Variants in MAPKAP1 observed in about 807,000 individuals in gnomAD.
The protein encoded by MAPKAP1 is target of rapamycin complex 2 subunit MAPKAP1.
In MAPKAP1, 20 loss-of-function variants were observed where a neutral mutation model predicts 65.7. The observed-to-expected ratio is 0.30, with a 90% CI of 0.21 to 0.44. MAPKAP1 has a LOEUF of 0.44. Among genes scored for constraint, MAPKAP1 ranks in the 20% least tolerant of loss-of-function variants. The probability of loss-of-function intolerance (pLI) is 1.00; values close to 1 mark genes in which losing one functional copy is unlikely to be tolerated. For synonymous variants in MAPKAP1, 222 were observed against 244.3 expected (o/e 0.91, Z 0.85); for missense variants, 423 against 648.0 (o/e 0.65, Z 3.77).
At chr9:125,569,200 G>A (rs371845708) in intron 5 of MAPKAP1, among the ~76,000 whole-genome samples, 28 of 152,272 alleles carry the variant, frequency 1.8e-4, no homozygotes, top group Admixed American at 1.5e-3. Context: ...TTTTAACCAC[G>A]TTTAATGCCT....
At position 125,487,638 on chromosome 9, in the gene MAPKAP1, C is replaced by T. The variant is rs967311224; in HGVS notation, c.1067-3055G>A. 3.2e-4 allele frequency among the ~76,000 whole-genome samples: 47 copies of T among 145,926 alleles called. 1 individual carries two copies. The highest frequency in any genetic ancestry group is 1.2e-3 in the African/African-American group (46 of 39,502). On this transcript the variant is annotated intron_variant, in intron 8 of 11. Transcript: ENST00000265960. ...ACTAAAAAAAAAAAAAAAAAACCCA[C>T]ACTTAAGATTTTTACATTTTATGAT...
At chr9:125,698,406 T>C (rs536329599) in intron 1 of MAPKAP1, among the ~76,000 whole-genome samples, 23 of 147,586 alleles carry the variant, frequency 1.6e-4, no homozygotes, top group Non-Finnish European at 3.0e-4. Context: ...GGCGCAATCT[T>C]GGCTCATGGC....
At chr9:125,657,551 T>C (rs1043735689) in intron 4 of MAPKAP1, 100 bp downstream of exon 4, 2 of 1,098,524 alleles carry the variant, frequency 1.8e-6, no homozygotes, top group Non-Finnish European at 2.6e-6. Flanking sequence ...ACTGATATTC[T>C]ACAAAGCATT....
rs753683536 is a variant in MAPKAP1, at chr9:125,484,437, A to G, written c.1207+6T>C. The G allele has an allele frequency of 1.9e-6, 3 of 1,607,254 alleles. No homozygotes were observed. The highest frequency in any genetic ancestry group is 2.5e-6 in the Non-Finnish European group (3 of 1,176,842). ...AAGCTAGCTCATCACCTGCTCACAC[A>G]CTTACCTAGCTGTACGTCGGTTGTG... On this transcript the variant is annotated splice_donor_region_variant and intron_variant, in intron 9 of 11. Coordinates refer to ENST00000265960, the MANE Select transcript of MAPKAP1 (RefSeq NM_001006617.3).
At chr9:125,518,993 C>A (rs1437343307) in intron 7 of MAPKAP1, among the ~76,000 whole-genome samples, 2 of 152,076 alleles carry the variant, frequency 1.3e-5, no homozygotes, top group Admixed American at 1.3e-4. Flanking sequence ...GACAGTAGAT[C>A]ATTATAAGTA....
At chr9:125,493,656 A>G (rs7038051) in intron 8 of MAPKAP1, among the ~76,000 whole-genome samples, 4,106 of 152,292 alleles carry the variant, frequency 0.027, 187 homozygotes, top group African/African-American at 0.094. Flanking sequence ...ACTCCCCAAC[A>G]GACTAGGTTT....
chr9:125,508,750 G>C (rs1307784386), intron 7 of MAPKAP1, among the ~76,000 whole-genome samples: 1 of 152,126 alleles, frequency 6.6e-6, no homozygotes, highest in Non-Finnish European at 1.5e-5. Flanking sequence ...AGCTACTGGG[G>C]AGGCTGAGGT....
chr9:125,452,761 G>A lies in MAPKAP1; in HGVS notation c.1346-8163C>T, dbSNP rs560628774. Among the ~76,000 whole-genome samples the A allele has an allele frequency of 2.0e-5, 3 of 152,104 alleles. No individual in the cohort carries two copies. In the South Asian group the frequency reaches 6.2e-4, roughly 32 times the overall value. On this transcript the variant is annotated intron_variant, in intron 10 of 11. Coordinates refer to ENST00000265960, the MANE Select transcript of MAPKAP1 (RefSeq NM_001006617.3). The stretch of plus-strand genomic sequence containing the variant: ...ACAAAAACTAGCCGGGTGTGGTGGT[G>A]TGTGCCTGAGGCTGGGCTGGGAGGC...
intron 9 of MAPKAP1, chr9:125,477,931 C>T (rs1386640471): frequency 2.6e-5 from 4 of 152,150 alleles, no homozygotes; most frequent in Admixed American, 1.3e-4. Context: ...GACATCTGTA[C>T]TTTTTAGGAC....
At position 125,672,631 on chromosome 9, in the gene MAPKAP1, C is replaced by A. The variant is rs1407974149; in HGVS notation, c.-57G>T. 1.0e-5 allele frequency: 16 copies of A among 1,572,956 alleles called. No individual in the cohort carries two copies. The highest frequency in any genetic ancestry group is 1.7e-5 in the Admixed American group (1 of 58,780). On this transcript the variant is annotated 5_prime_UTR_variant, in exon 2 of 12. Transcript: ENST00000265960. ...ATTTTCTCCTCTTCATATTGTTTCA[C>A]GAGCTCACCTACCTAGAAACATGAT...
intron 5 of MAPKAP1, among the ~76,000 whole-genome samples, chr9:125,564,352 T>C (rs1057009735): frequency 2.6e-5 from 4 of 152,236 alleles, no homozygotes; most frequent in African/African-American, 7.2e-5. Flanking sequence ...AGTTTACACA[T>C]ACATTTAAGT....
intron 4 of MAPKAP1, among the ~76,000 whole-genome samples, chr9:125,649,350 C>T (rs1440746929): frequency 6.6e-6 from 1 of 152,206 alleles, no homozygotes; most frequent in Non-Finnish European, 1.5e-5. Context: ...AGTCCCCTAA[C>T]CTCCAACAAT....
At chr9:125,693,774 T>C (rs910957336) in intron 1 of MAPKAP1, among the ~76,000 whole-genome samples, 15 of 148,446 alleles carry the variant, frequency 1.0e-4, no homozygotes, top group Non-Finnish European at 1.8e-4. Context: ...TATATACACA[T>C]ATATACACGT....
chr9:125,670,741 TAAC>T (rs1834473110), intron 2 of MAPKAP1, among the ~76,000 whole-genome samples: 1 of 152,180 alleles, frequency 6.6e-6, no homozygotes, highest in Admixed American at 6.5e-5. Flanking sequence ...AGCATGCACT[TAAC>T]AACTGCCGCA....
chr9:125,530,962 A>G (rs539908134), intron 7 of MAPKAP1, among the ~76,000 whole-genome samples: 17 of 152,372 alleles, frequency 1.1e-4, no homozygotes, highest in Admixed American at 2.0e-4. Flanking sequence ...AGTTAAGACA[A>G]TAACCCTGCA....
intron 8 of MAPKAP1, among the ~76,000 whole-genome samples, chr9:125,490,034 C>T (rs1163125163): frequency 6.6e-6 from 1 of 152,192 alleles, no homozygotes; most frequent in African/African-American, 2.4e-5. Context: ...CACCACACTC[C>T]TACAGCAACA....
intron 1 of MAPKAP1, among the ~76,000 whole-genome samples, chr9:125,673,891 A>G (rs1489625232): frequency 6.6e-6 from 1 of 152,164 alleles, no homozygotes; most frequent in Non-Finnish European, 1.5e-5. Context: ...GCAGTGAGCT[A>G]TGATTGCACC....
intron 5 of MAPKAP1, chr9:125,573,104 G>T (rs796245731): frequency 1.7e-4 from 23 of 134,992 alleles, no homozygotes; most frequent in Non-Finnish European, 3.5e-4. Context: ...AAAAGGGGGG[G>T]GGGGGGGGAC....
chr9:125,508,199 G>A (rs1306707003), intron 7 of MAPKAP1, among the ~76,000 whole-genome samples: 1 of 152,140 alleles, frequency 6.6e-6, no homozygotes, highest in African/African-American at 2.4e-5. Context: ...GTAAATCAAA[G>A]TATGGAAGGA....
Sources: allele counts gnomAD v4.1 joint callset (sites outside exome capture counted in the v4.1 genomes callset), GRCh38; gene constraint gnomAD v4.1.1; transcripts MANE v1.5; gene names NCBI Gene and HGNC (gene_info 2026-07-23, HGNC 2026-07-21).